FSTL4: variants seen among roughly 807,000 people sequenced by gnomAD.
The protein encoded by FSTL4 is follistatin-related protein 4.
In FSTL4, 28 loss-of-function variants were observed where a neutral mutation model predicts 78.2. The observed-to-expected ratio is 0.36, with a 90% CI of 0.27 to 0.49. The LOEUF (loss-of-function observed/expected upper bound fraction) is 0.49, where lower values mean the gene tolerates loss of function less well. Ranked by LOEUF, FSTL4 falls within the 20% of genes least tolerant of loss-of-function variation. The pLI is 0.98. For missense variants in FSTL4, 922 were observed against 1,084.9 expected, an observed-to-expected ratio of 0.85 and a Z score of 2.11; for synonymous variants, 422 against 440.5, an observed-to-expected ratio of 0.96 and a Z score of 0.53.
chr5:133,349,295 CTGTGTGTGTGTGTGTGTGTG>C (rs1554107119), intron 4 of FSTL4, among the ~76,000 whole-genome samples: 1 of 139,682 alleles, frequency 7.2e-6, no homozygotes, highest in Non-Finnish European at 1.5e-5. Context: ...GCCTCTCTCT[CTGTGTGTGTGTGTGTGTGTG>C]TGTGTGTGTG....
chr5:133,657,205 C>T, the FSTL4 span, among the ~76,000 whole-genome samples: 7 of 152,146 alleles, frequency 4.6e-5, no homozygotes, highest in African/African-American at 1.7e-4. Flanking sequence ...CCTTGCCACT[C>T]AAGGAAAGCC....
At chr5:133,694,072 A>G in the FSTL4 span, among the ~76,000 whole-genome samples, 5 of 152,168 alleles carry the variant, frequency 3.3e-5, no homozygotes, top group Non-Finnish European at 7.4e-5. Flanking sequence ...CCTTCCTATA[A>G]GCCTTACCTG....
the FSTL4 span, among the ~76,000 whole-genome samples, chr5:133,830,945 C>G: frequency 3.3e-5 from 5 of 152,178 alleles, no homozygotes; most frequent in African/African-American, 9.7e-5. Flanking sequence ...CTGTAAAGGG[C>G]ATCCAGGGCC....
At chr5:133,747,668 G>C in the FSTL4 span, among the ~76,000 whole-genome samples, 2 of 152,168 alleles carry the variant, frequency 1.3e-5, no homozygotes, top group South Asian at 2.1e-4. Context: ...TCAGCGATTA[G>C]AGAATGAATC....
chr5:133,806,778 T>G, the FSTL4 span, among the ~76,000 whole-genome samples: 1 of 152,186 alleles, frequency 6.6e-6, no homozygotes, highest in African/African-American at 2.4e-5. Flanking sequence ...GTACCAACTA[T>G]GCTGCCCCAT....
chr5:133,244,265 A>C (rs925979151), intron 7 of FSTL4: 4 of 152,340 alleles, frequency 2.6e-5, no homozygotes, highest in African/African-American at 9.7e-5. Flanking sequence ...CCCTTCTACC[A>C]GACACAAGCA....
chr5:133,825,144 TC>T, the FSTL4 span, among the ~76,000 whole-genome samples: 1 of 152,126 alleles, frequency 6.6e-6, no homozygotes, highest in South Asian at 2.1e-4. Context: ...ACACAGAGAC[TC>T]AGGAGTCAAA....
At chr5:133,790,830 G>A in the FSTL4 span, among the ~76,000 whole-genome samples, 12 of 152,154 alleles carry the variant, frequency 7.9e-5, no homozygotes, top group Admixed American at 3.9e-4. Flanking sequence ...CCACCTCCAC[G>A]GCATTCGTCT....
the FSTL4 span, among the ~76,000 whole-genome samples, chr5:133,657,384 G>A: frequency 6.6e-6 from 1 of 152,152 alleles, no homozygotes; most frequent in Non-Finnish European, 1.5e-5. Flanking sequence ...AGTTACCATA[G>A]CATCCAAGTG....
At chr5:133,775,041 T>C in the FSTL4 span, among the ~76,000 whole-genome samples, 5 of 152,212 alleles carry the variant, frequency 3.3e-5, no homozygotes, top group Non-Finnish European at 7.3e-5. Context: ...ACAACTTGAT[T>C]GAGCCTCTTG....
the FSTL4 span, among the ~76,000 whole-genome samples, chr5:133,688,412 C>A: frequency 6.6e-6 from 1 of 151,684 alleles, no homozygotes; most frequent in Admixed American, 6.6e-5. Flanking sequence ...GACTCCGTCT[C>A]AAAAAAAACA....
the FSTL4 span, among the ~76,000 whole-genome samples, chr5:133,638,887 G>A: frequency 1.3e-5 from 2 of 151,330 alleles, no homozygotes; most frequent in African/African-American, 4.9e-5. Flanking sequence ...CTTAGCTCCT[G>A]TCATTAAGTA....
At chr5:133,485,020 T>C (rs1178810527) in intron 3 of FSTL4, among the ~76,000 whole-genome samples, 1 of 152,232 alleles carries the variant, frequency 6.6e-6, no homozygotes, top group Non-Finnish European at 1.5e-5. Flanking sequence ...AAGAACTTTC[T>C]AGCTCTTCTC....
intron 3 of FSTL4, among the ~76,000 whole-genome samples, chr5:133,466,832 C>T (rs1031111541): frequency 6.6e-6 from 1 of 152,072 alleles, no homozygotes; most frequent in Non-Finnish European, 1.5e-5. Context: ...CAGGGAAGGA[C>T]GCCTGGCCTG....
the FSTL4 span, among the ~76,000 whole-genome samples, chr5:133,818,465 G>A: frequency 6.6e-6 from 1 of 152,172 alleles, no homozygotes; most frequent in East Asian, 1.9e-4. Flanking sequence ...GAGGGGAGCC[G>A]GCTGTGTCAC....
chr5:133,382,614 C>T (rs938510368), intron 4 of FSTL4, among the ~76,000 whole-genome samples: 1 of 152,190 alleles, frequency 6.6e-6, no homozygotes, highest in African/African-American at 2.4e-5. Flanking sequence ...GGGTTGACAG[C>T]ATTCACAGGA....
chr5:133,493,729 T>C (rs1338654343), intron 3 of FSTL4, among the ~76,000 whole-genome samples: 1 of 152,222 alleles, frequency 6.6e-6, no homozygotes, highest in Non-Finnish European at 1.5e-5. Context: ...GAGAGTGGTT[T>C]GTTCATTTTT....
intron 2 of FSTL4, among the ~76,000 whole-genome samples, chr5:133,594,487 C>A (rs1341991139): frequency 6.6e-6 from 1 of 152,224 alleles, no homozygotes; most frequent in Non-Finnish European, 1.5e-5. Flanking sequence ...GCTACTGCAC[C>A]CGGCCAGAAG....
At chr5:133,539,090 T>C (rs1241587792) in intron 3 of FSTL4, among the ~76,000 whole-genome samples, 2 of 152,166 alleles carry the variant, frequency 1.3e-5, no homozygotes, top group East Asian at 3.8e-4. Context: ...GACAAAGCTT[T>C]AGAAGTCATA....
Sources: allele counts gnomAD v4.1 joint callset (sites outside exome capture counted in the v4.1 genomes callset), GRCh38; gene constraint gnomAD v4.1.1; transcripts MANE v1.5; gene names NCBI Gene and HGNC (gene_info 2026-07-23, HGNC 2026-07-21).